The following ZNF423 variants were observed in gnomAD, a reference collection of about 807,000 sequenced individuals.
ZNF423 encodes Ebf-associated zinc finger protein.
A neutral mutation model predicts 95.8 loss-of-function variants in ZNF423; 12 were observed. That is an observed-to-expected ratio of 0.13 (90% confidence interval 0.08 to 0.20). The LOEUF (loss-of-function observed/expected upper bound fraction) is 0.20. ZNF423 is among the 10% of genes least tolerant of loss of function. The pLI, the probability that ZNF423 is intolerant of heterozygous loss-of-function variation, is 1.00. For missense variants in ZNF423, 1,316 were observed against 1,737.1 expected (o/e 0.76, Z 4.31); for synonymous variants, 749 against 711.9 (o/e 1.05, Z -0.83).
chr16:49,835,064 A>C (rs2035103152), intron 1 of ZNF423, among the ~76,000 whole-genome samples: 1 of 152,032 alleles, frequency 6.6e-6, no homozygotes. Flanking sequence ...GATTAACACC[A>C]GGGTGGCTGA....
chr16:49,715,599 G>C (rs2032681344), intron 3 of ZNF423, among the ~76,000 whole-genome samples: 1 of 152,140 alleles, frequency 6.6e-6, no homozygotes, highest in Non-Finnish European at 1.5e-5. Context: ...AAAATACTTA[G>C]CTGGGCATGG....
At chr16:49,506,038 A>G (rs1967619083) in intron 7 of ZNF423, among the ~76,000 whole-genome samples, 1 of 152,142 alleles carries the variant, frequency 6.6e-6, no homozygotes, top group African/African-American at 2.4e-5. Context: ...TCATCTCACC[A>G]GAGGGGTGTG....
intron 5 of ZNF423, among the ~76,000 whole-genome samples, chr16:49,580,658 T>C (rs1970641354): frequency 6.6e-6 from 1 of 152,208 alleles, no homozygotes; most frequent in African/African-American, 2.4e-5. Context: ...CCTTGTTCCT[T>C]CTTAATTCCT....
At chr16:49,756,446 C>T (rs576793016) in intron 2 of ZNF423, among the ~76,000 whole-genome samples, 2 of 152,308 alleles carry the variant, frequency 1.3e-5, no homozygotes, top group East Asian at 3.9e-4. Flanking sequence ...GGAAAACAGC[C>T]TTTTGGAAGG....
At chr16:49,540,655 A>T (rs1204483876) in intron 5 of ZNF423, among the ~76,000 whole-genome samples, 1 of 152,178 alleles carries the variant, frequency 6.6e-6, no homozygotes, top group African/African-American at 2.4e-5. Context: ...TCATGCTTTA[A>T]TCACACCCTG....
At chr16:49,707,712 T>G (rs2032400835) in intron 3 of ZNF423, among the ~76,000 whole-genome samples, 1 of 152,096 alleles carries the variant, frequency 6.6e-6, no homozygotes, top group Admixed American at 6.5e-5. Flanking sequence ...TTGATAAAAT[T>G]TACGTATTAT....
At chr16:49,849,201 A>G (rs1005281883) in intron 1 of ZNF423, among the ~76,000 whole-genome samples, 1 of 151,934 alleles carries the variant, frequency 6.6e-6, no homozygotes, top group Non-Finnish European at 1.5e-5. Context: ...AGATGACATG[A>G]TTTTCTTATG....
At chr16:49,805,257 T>C (rs2034644318) in intron 1 of ZNF423, among the ~76,000 whole-genome samples, 1 of 152,136 alleles carries the variant, frequency 6.6e-6, no homozygotes, top group Admixed American at 6.5e-5. Context: ...CCAGTTCACT[T>C]GGCAGCAGAC....
chr16:49,491,459 C>G (rs555841926), intron 7 of ZNF423, among the ~76,000 whole-genome samples, 155 bp from the exon 8 acceptor site: 23 of 151,746 alleles, frequency 1.5e-4, no homozygotes, highest in Non-Finnish European at 2.8e-4. Flanking sequence ...AGGGACGCAG[C>G]TGCCAAGACG....
intron 3 of ZNF423, among the ~76,000 whole-genome samples, chr16:49,701,219 C>T (rs1032714649): frequency 2.0e-5 from 3 of 152,160 alleles, no homozygotes; most frequent in Middle Eastern, 3.2e-3. Context: ...ATGAGTCACA[C>T]GTGGAAGCCG....
At chr16:49,712,778 C>T (rs2032585519) in intron 3 of ZNF423, among the ~76,000 whole-genome samples, 2 of 152,224 alleles carry the variant, frequency 1.3e-5, no homozygotes, top group Non-Finnish European at 2.9e-5. Flanking sequence ...CGAGTGGAAA[C>T]CACGTGTGAT....
At chr16:49,534,340 A>G (rs1169382877) in intron 5 of ZNF423, among the ~76,000 whole-genome samples, 1 of 151,354 alleles carries the variant, frequency 6.6e-6, no homozygotes, top group Non-Finnish European at 1.5e-5. Context: ...TGCAACCTCC[A>G]TCTCCTGGGC....
chr16:49,548,899 A>G (rs971409864), intron 5 of ZNF423, among the ~76,000 whole-genome samples: 1 of 152,102 alleles, frequency 6.6e-6, no homozygotes, highest in Non-Finnish European at 1.5e-5. Context: ...CTCATCTTGA[A>G]CCTTCCAGTT....
intron 7 of ZNF423, among the ~76,000 whole-genome samples, chr16:49,516,581 C>T (rs932313314): frequency 1.3e-5 from 2 of 152,158 alleles, no homozygotes; most frequent in African/African-American, 2.4e-5. Context: ...AAGACTGGGC[C>T]GCTCCCTGCT....
intron 3 of ZNF423, among the ~76,000 whole-genome samples, chr16:49,697,472 A>G (rs1376283010): frequency 7.2e-5 from 11 of 152,010 alleles, no homozygotes. Context: ...AACCACCTAG[A>G]AGGCCATTCC....
At chr16:49,839,261 C>T (rs2035157066) in intron 1 of ZNF423, among the ~76,000 whole-genome samples, 1 of 152,054 alleles carries the variant, frequency 6.6e-6, no homozygotes, top group Non-Finnish European at 1.5e-5. Flanking sequence ...GAAATCTCGG[C>T]CCCCACACCC....
chr16:49,780,924 T>C (rs1027620656), intron 2 of ZNF423, among the ~76,000 whole-genome samples: 15 of 152,218 alleles, frequency 9.9e-5, no homozygotes, highest in African/African-American at 3.6e-4. Flanking sequence ...AAGAAGATGA[T>C]TGGGTTGAGG....
chr16:49,572,273 G>A (rs1970376417), intron 5 of ZNF423, among the ~76,000 whole-genome samples: 1 of 152,174 alleles, frequency 6.6e-6, no homozygotes, highest in Admixed American at 6.5e-5. Flanking sequence ...TCCCATCCCA[G>A]TGGGACACAA....
At chr16:49,841,487 G>A (rs188726297) in intron 1 of ZNF423, among the ~76,000 whole-genome samples, 174 of 152,316 alleles carry the variant, frequency 1.1e-3, no homozygotes, top group Middle Eastern at 3.4e-3. Flanking sequence ...GGTACTGCCC[G>A]TAACGTGCAT....
Sources: gnomAD v4.1 joint callset for allele counts (sites outside exome capture counted in the v4.1 genomes callset) on GRCh38, gnomAD v4.1.1 for gene constraint, MANE v1.5 for transcripts, NCBI Gene and HGNC (gene_info 2026-07-23, HGNC 2026-07-21) for gene names.